Variants in MMRN1 observed in about 807,000 individuals in gnomAD.
MMRN1 encodes multimerin-1.
A neutral mutation model predicts 100.7 loss-of-function variants in MMRN1; 94 were observed. The observed-to-expected ratio is 0.93, with a 90% CI of 0.79 to 1.11. MMRN1 has a LOEUF of 1.11. MMRN1 is among the 50% of genes least tolerant of loss of function. The pLI is 0.00. For synonymous variants in MMRN1, 575 were observed against 505.0 expected, an observed-to-expected ratio of 1.14 and a Z score of -1.86; for missense variants, 1,606 against 1,439.1, an observed-to-expected ratio of 1.12 and a Z score of -1.88.
chr4:89,891,646 C>A (rs544144267), upstream of MMRN1, among the ~76,000 whole-genome samples: 1 of 151,994 alleles, frequency 6.6e-6, no homozygotes, highest in Non-Finnish European at 1.5e-5. Flanking sequence ...ATGTTGATAA[C>A]CCCCTTTGTC....
intron 4 of MMRN1, 61 bp downstream of exon 4, chr4:89,923,333 C>A: frequency 1.4e-6 from 2 of 1,420,464 alleles, no homozygotes; most frequent in South Asian, 1.2e-5. Flanking sequence ...TTTATTACAA[C>A]TTCCAAGCAA....
intron 6 of MMRN1, among the ~76,000 whole-genome samples, chr4:89,939,456 A>G (rs1722755687): frequency 6.6e-6 from 1 of 152,178 alleles, no homozygotes; most frequent in South Asian, 2.1e-4. Flanking sequence ...GTTAGTATTC[A>G]TTAACATTTA....
At chr4:89,899,044 A>C (rs1560580539) in intron 1 of MMRN1, among the ~76,000 whole-genome samples, 1 of 152,162 alleles carries the variant, frequency 6.6e-6, no homozygotes. Context: ...GTTTATGAAA[A>C]AAACCTGGTT....
At chr4:89,946,086 G>A (rs1042346949) in intron 6 of MMRN1, among the ~76,000 whole-genome samples, 11 of 152,162 alleles carry the variant, frequency 7.2e-5, no homozygotes, top group African/African-American at 2.7e-4. Flanking sequence ...AGGAAGATAA[G>A]CCTTATTTGA....
chr4:89,953,801 T>C lies in MMRN1; in HGVS notation c.*383T>C, dbSNP rs543573309. 1 of 155,742 alleles carries C rather than the reference T, an allele frequency of 6.4e-6. No individual in the cohort carries two copies. Among genetic ancestry groups the C allele is most frequent in the Non-Finnish European group, 1.4e-5 (1 of 70,512 alleles). 9.6% of individuals were successfully genotyped at this position (155,742 alleles called of 1,614,324 possible). On this transcript the variant is annotated 3_prime_UTR_variant, in exon 8 of 8. Coordinates refer to ENST00000264790, the MANE Select transcript of MMRN1 (RefSeq NM_007351.3). The stretch of plus-strand genomic sequence containing the variant: ...CTTAACTTTTGTTATTCCCTGTATA[T>C]AAATATATAACACACATTTTCTAGA...
Position 89,935,574 on chromosome 4 carries a change from AT to A in MMRN1, c.1895del (p.Met632ArgfsTer4). 3 of 1,613,568 alleles carry A rather than the reference AT, an allele frequency of 1.9e-6. No individual in the cohort carries two copies. The highest frequency in any genetic ancestry group is 2.5e-6 in the Non-Finnish European group (3 of 1,179,762). On this transcript the variant is annotated frameshift_variant, in exon 6 of 8. Coordinates refer to ENST00000264790, the MANE Select transcript of MMRN1 (RefSeq NM_007351.3). LOFTEE classifies it high-confidence loss of function. ...AEVLFPMDNK[M>X]DKMSEQLNDL... Reference sequence around the variant, plus strand: ...AGTTCTCTTTCCAATGGACAATAAGATGGACAAAATGAGTGAGCAACTAAAT... The same window carrying A: ...AGTTCTCTTTCCAATGGACAATAAGAGGACAAAATGAGTGAGCAACTAAAT...
chr4:89,934,796 A>C lies in MMRN1; in HGVS notation c.1130-14A>C. On this transcript the variant is annotated splice_polypyrimidine_tract_variant and intron_variant, in intron 5 of 7. Coordinates refer to ENST00000264790, the MANE Select transcript of MMRN1 (RefSeq NM_007351.3). Reference sequence around the variant, plus strand: ...TAATTAAAACTATGTATTATTAATTATTTCTTTCTCTAGGTCTAAAATCCA... The same window carrying C: ...TAATTAAAACTATGTATTATTAATTCTTTCTTTCTCTAGGTCTAAAATCCA... 12 of 1,373,576 alleles carry C rather than the reference A, an allele frequency of 8.7e-6. No individual in the cohort carries two copies. The highest frequency in any genetic ancestry group is 1.2e-5 in the Non-Finnish European group (12 of 1,025,828). 85.1% of individuals were successfully genotyped at this position (1,373,576 alleles called of 1,614,324 possible).
chr4:89,916,078 T>C (rs1560586851), intron 3 of MMRN1, among the ~76,000 whole-genome samples: 1 of 151,876 alleles, frequency 6.6e-6, no homozygotes, highest in Middle Eastern at 3.4e-3. Context: ...GACTCCACTG[T>C]CAGAGATCCT....
Position 89,895,639 on chromosome 4 carries a change from T to C in MMRN1, c.623+45T>C, listed in dbSNP as rs2289515. On this transcript the variant is annotated intron_variant, in intron 1 of 7. Coordinates refer to ENST00000264790, the MANE Select transcript of MMRN1 (RefSeq NM_007351.3). ...TTTTGTTCTTTCTCTGTCTATCAGG[T>C]CTAGAAGATTGCAAGTGAAATTTAC... The C allele has an allele frequency of 7.1e-6, 11 of 1,543,810 alleles. No individual in the cohort carries two copies. In the South Asian group the frequency reaches 1.4e-4, roughly 19 times the overall value.
intron 1 of MMRN1, among the ~76,000 whole-genome samples, chr4:89,907,979 A>G (rs1721623860): frequency 6.6e-6 from 1 of 151,304 alleles, no homozygotes; most frequent in African/African-American, 2.4e-5. Flanking sequence ...CAAGCACAAA[A>G]TAGTATTCAG....
At chr4:89,907,821 G>GT (rs1377670700) in intron 1 of MMRN1, among the ~76,000 whole-genome samples, 64 of 126,412 alleles carry the variant, frequency 5.1e-4, no homozygotes, top group East Asian at 1.2e-3. Context: ...TGTCATGCCT[G>GT]TTTTTTTGTT....
At chr4:89,937,941 A>G (rs994254214) in intron 6 of MMRN1, among the ~76,000 whole-genome samples, 7 of 152,120 alleles carry the variant, frequency 4.6e-5, no homozygotes, top group Admixed American at 3.3e-4. Flanking sequence ...TGGTTGTCAT[A>G]TAAGTAATAT....
Position 89,895,556 on chromosome 4 carries a change from T to C in MMRN1, c.585T>C (p.Thr195=). 6.2e-7 allele frequency: 1 copy of C among 1,613,594 alleles called. No homozygotes were observed. Among genetic ancestry groups the C allele is most frequent in the Non-Finnish European group, 8.5e-7 (1 of 1,179,810 alleles). ...GTGACAGCAGTTCCAGCCAAAGAAC[T>C]GACTACCAAAAATCAAATTTCGAAA... The part of the protein sequence containing the change: ...SRGDSSSSQR[T]DYQKSNFETT... Residue 195 remains threonine (T), a synonymous_variant, in exon 1 of 8, where the codon ACT becomes ACC. Coordinates refer to ENST00000264790, the MANE Select transcript of MMRN1 (RefSeq NM_007351.3).
chr4:89,941,940 A>T lies in MMRN1; in HGVS notation c.3118+5142A>T, dbSNP rs114618082. On this transcript the variant is annotated intron_variant, in intron 6 of 7. Transcript: ENST00000264790. ...AGAACAGACTCCCCCAGATTTCCAT[A>T]TGATTCCCTTCATATGGAAGAATGA... 6.2e-3 allele frequency among the ~76,000 whole-genome samples: 949 copies of T among 152,292 alleles called. 7 individuals are homozygous for T. Among genetic ancestry groups the T allele is most frequent in the African/African-American group, 0.021 (868 of 41,562 alleles).
At position 89,895,313 on chromosome 4, in the gene MMRN1, T is replaced by C; in HGVS notation, c.342T>C (p.Asn114=). Residue 114 remains asparagine, a synonymous_variant, in exon 1 of 8, where the codon AAT becomes AAC. Coordinates refer to ENST00000264790, the MANE Select transcript of MMRN1 (RefSeq NM_007351.3). ...EKAEGVVKLQ[N]LTLPTNASIK... ...CAGAAGGAGTGGTCAAGTTACAGAA[T>C]CTTACCCTCCCAACCAACGCTAGCA... 1.9e-6 allele frequency: 3 copies of C among 1,613,388 alleles called. No individual in the cohort carries two copies.
intron 6 of MMRN1, among the ~76,000 whole-genome samples, chr4:89,944,606 T>G (rs1722931004): frequency 1.3e-5 from 2 of 152,150 alleles, no homozygotes; most frequent in Non-Finnish European, 2.9e-5. Context: ...TGAGGGTTGT[T>G]TAGAGGCAGG....
intron 6 of MMRN1, among the ~76,000 whole-genome samples, chr4:89,942,330 T>C (rs931924260): frequency 2.0e-5 from 3 of 152,204 alleles, no homozygotes; most frequent in Non-Finnish European, 4.4e-5. Flanking sequence ...AACTATATTA[T>C]GAATTTAAAA....
intron 6 of MMRN1, among the ~76,000 whole-genome samples, chr4:89,950,196 A>G (rs955599354): frequency 2.0e-5 from 3 of 152,194 alleles, no homozygotes; most frequent in Admixed American, 1.3e-4. Context: ...TTGCTGTCTA[A>G]TATTCCTCAG....
chr4:89,931,449 C>A lies in MMRN1; in HGVS notation c.1130-3361C>A, dbSNP rs147989390. ...GTAGCTATAATTGATGGCAATATCC[C>A]ATTGTACAGACTTTCCTGTCTAAAA... On this transcript the variant is annotated intron_variant, in intron 5 of 7. Coordinates refer to ENST00000264790, the MANE Select transcript of MMRN1 (RefSeq NM_007351.3). Among the ~76,000 whole-genome samples, 620 of 152,184 alleles carry A rather than the reference C, an allele frequency of 4.1e-3. 6 individuals are homozygous for A. The highest frequency in any genetic ancestry group is 0.015 in the African/African-American group (602 of 41,514).
Sources: allele counts gnomAD v4.1 joint callset (sites outside exome capture counted in the v4.1 genomes callset), GRCh38; gene constraint gnomAD v4.1.1; transcripts MANE v1.5; gene names NCBI Gene and HGNC (gene_info 2026-07-23, HGNC 2026-07-21).